Variants in ANK2 observed in about 807,000 individuals in gnomAD.
ANK2 encodes ankyrin-2.
A neutral mutation model predicts 360.5 loss-of-function variants in ANK2; 83 were observed. The ratio of observed to expected loss-of-function variants is 0.23; its 90% CI spans 0.19 to 0.28. The LOEUF is 0.28. ANK2 is among the 10% of genes least tolerant of loss of function. ANK2 has a pLI of 1.00. For missense variants in ANK2, 4,201 were observed against 4,795.7 expected (o/e 0.88, Z 3.66); for synonymous variants, 1,740 against 1,759.5 (o/e 0.99, Z 0.28).
At chr4:113,291,734 A>G (rs962205422) in intron 20 of ANK2, among the ~76,000 whole-genome samples, 6 of 152,218 alleles carry the variant, frequency 3.9e-5, no homozygotes, top group African/African-American at 1.4e-4. Context: ...GGTGGATTTT[A>G]ATAAATAATA....
chr4:113,318,922 C>T (rs1439607411), intron 26 of ANK2, among the ~76,000 whole-genome samples: 1 of 152,190 alleles, frequency 6.6e-6, no homozygotes, highest in Non-Finnish European at 1.5e-5. Context: ...TATTCACGTA[C>T]TGTCTTTAAG....
the ANK2 span, chr4:112,739,233 CA>C: frequency 2.3e-5 from 6 of 266,170 alleles, no homozygotes; most frequent in Non-Finnish European, 3.6e-5. Flanking sequence ...TTAAAATAGG[CA>C]AAAAAGTCTG....
intron 2 of ANK2, among the ~76,000 whole-genome samples, chr4:113,031,835 C>T (rs891069498): frequency 6.6e-6 from 1 of 151,958 alleles, no homozygotes; most frequent in Admixed American, 6.6e-5. Context: ...ATATCAAATG[C>T]AAGGGTATGC....
chr4:113,189,803 T>C (rs1361937693), intron 2 of ANK2, among the ~76,000 whole-genome samples: 1 of 152,112 alleles, frequency 6.6e-6, no homozygotes, highest in African/African-American at 2.4e-5. Flanking sequence ...AATTCTCTTG[T>C]TTCATGGTAC....
chr4:113,358,354 G>A lies in ANK2; in HGVS notation c.9736G>A (p.Asp3246Asn), dbSNP rs371808294. Reference sequence around the variant, plus strand: ...TGGTGTAAAGCAGATATCCTGCCCCGACTCTTCTGAACCAGCTGTACAAGT... The same window carrying A: ...TGGTGTAAAGCAGATATCCTGCCCCAACTCTTCTGAACCAGCTGTACAAGT... ...LSGVKQISCP[D>N]SSEPAVQVQL... Residue 3246 changes from aspartate to asparagine, a missense_variant, in exon 38 of 46, where the codon GAC becomes AAC. Physicochemically the swap from Asp to Asn is conservative, Grantham distance 23. This residue lies in a region of ANK2 where 2,642 missense variants were observed against 2,714.5 expected (regional missense o/e 0.97). Transcript: ENST00000357077. 62 of 1,613,850 alleles carry A rather than the reference G, an allele frequency of 3.8e-5. No homozygotes were observed. The highest frequency in any genetic ancestry group is 5.3e-5 in the African/African-American group (4 of 74,902).
chr4:113,089,576 C>T (rs2086683843), intron 1 of ANK2, among the ~76,000 whole-genome samples: 1 of 152,174 alleles, frequency 6.6e-6, no homozygotes, highest in Non-Finnish European at 1.5e-5. Context: ...CCTGTAATCC[C>T]AGCATTTGGG....
chr4:112,791,329 G>C, the ANK2 span, among the ~76,000 whole-genome samples: 2 of 152,126 alleles, frequency 1.3e-5, no homozygotes, highest in African/African-American at 2.4e-5. Context: ...AAGGAGCAAG[G>C]TAAAGCTGTA....
intron 4 of ANK2, among the ~76,000 whole-genome samples, chr4:113,204,876 A>G (rs1415521038): frequency 2.6e-5 from 4 of 152,200 alleles, no homozygotes; most frequent in Non-Finnish European, 5.9e-5. Context: ...GGGCGTATCC[A>G]TAATCTGGGC....
At chr4:112,890,759 G>T (rs995742547) in intron 1 of ANK2, among the ~76,000 whole-genome samples, 1 of 151,636 alleles carries the variant, frequency 6.6e-6, no homozygotes, top group African/African-American at 2.4e-5. Flanking sequence ...TAGAGACAGG[G>T]TTTTTCCATG....
upstream of ANK2, among the ~76,000 whole-genome samples, chr4:113,046,697 T>C (rs919703096): frequency 6.6e-6 from 1 of 152,122 alleles, no homozygotes; most frequent in Non-Finnish European, 1.5e-5. Context: ...CTATTATTTA[T>C]AAATTACCTC....
chr4:112,955,685 CTATATG>C (rs1168639349), intron 2 of ANK2, among the ~76,000 whole-genome samples: 2 of 151,894 alleles, frequency 1.3e-5, no homozygotes, highest in African/African-American at 2.4e-5. Context: ...AACAAATATG[CTATATG>C]TTGTAATATG....
intron 33 of ANK2, 123 bp from the exon 34 acceptor site, chr4:113,342,894 T>C: frequency 1.6e-6 from 2 of 1,265,006 alleles, no homozygotes; most frequent in Non-Finnish European, 1.1e-6. Flanking sequence ...CAGTTGTCAA[T>C]TTAAAGATGG....
intron 2 of ANK2, among the ~76,000 whole-genome samples, chr4:113,180,239 G>A (rs1350876503): frequency 3.9e-5 from 6 of 152,158 alleles, no homozygotes; most frequent in Non-Finnish European, 7.3e-5. Flanking sequence ...CCAAATTCTA[G>A]TTTTCCCCAC....
At chr4:113,253,136 C>T (rs940933517) in intron 10 of ANK2, among the ~76,000 whole-genome samples, 6 of 152,166 alleles carry the variant, frequency 3.9e-5, no homozygotes, top group Admixed American at 6.5e-5. Flanking sequence ...CATTCTCTCC[C>T]GTTACTATCA....
chr4:112,968,047 C>T (rs1448174747), intron 2 of ANK2, among the ~76,000 whole-genome samples: 1 of 152,142 alleles, frequency 6.6e-6, no homozygotes, highest in East Asian at 1.9e-4. Flanking sequence ...CAACCTCTCA[C>T]CTTTTTTATT....
Position 112,985,963 on chromosome 4 carries a change from G to T in ANK2, c.21+81449G>T, listed in dbSNP as rs554162975. ...TTATTCATGTAACCAAACACCACTT[G>T]TTCCCCCAAAATCTATGGAAATAAA... On this transcript the variant is annotated intron_variant, in intron 2 of 30. Transcript: ENST00000503271. Among the ~76,000 whole-genome samples the T allele has an allele frequency of 2.7e-5, 4 of 149,332 alleles. No homozygotes were observed. The South Asian group carries it at 8.4e-4, about 31-fold the overall frequency.
intron 1 of ANK2, among the ~76,000 whole-genome samples, chr4:112,843,609 G>A (rs545031389): frequency 2.8e-4 from 43 of 152,074 alleles, no homozygotes; most frequent in African/African-American, 8.7e-4. Context: ...TCCCAAGTGC[G>A]TTTTTGCACT....
chr4:113,300,320 C>T (rs2074284217), intron 22 of ANK2, among the ~76,000 whole-genome samples: 1 of 152,182 alleles, frequency 6.6e-6, no homozygotes, highest in Admixed American at 6.5e-5. Context: ...TCTTTACTTT[C>T]TCTGTTTCTT....
intron 1 of ANK2, among the ~76,000 whole-genome samples, chr4:112,832,146 T>C (rs1197709707): frequency 6.6e-6 from 1 of 152,202 alleles, no homozygotes; most frequent in East Asian, 1.9e-4. Context: ...CTGACTCCCA[T>C]GTTCAAGCAA....
Sources: allele counts gnomAD v4.1 joint callset (sites outside exome capture counted in the v4.1 genomes callset), GRCh38; gene constraint gnomAD v4.1.1; regional missense constraint gnomAD v4.1.1; transcripts MANE v1.5; gene names NCBI Gene and HGNC (gene_info 2026-07-23, HGNC 2026-07-21).